Variants in SANBR observed in about 807,000 individuals in gnomAD.
The protein encoded by SANBR is SANT and BTB domain regulator of class switch recombination.
A neutral mutation model predicts 101.8 loss-of-function variants in SANBR; 77 were observed. The observed-to-expected ratio is 0.76, with a 90% CI of 0.63 to 0.91. The LOEUF (loss-of-function observed/expected upper bound fraction) is 0.91, where lower values mean the gene tolerates loss of function less well. SANBR is among the 40% of genes least tolerant of loss of function. SANBR has a pLI of 0.00. For synonymous variants in SANBR, 279 were observed against 274.7 expected (o/e 1.02, Z -0.15); for missense variants, 875 against 853.0 (o/e 1.03, Z -0.32).
Position 61,070,426 on chromosome 2 carries a change from C to T in SANBR, c.76C>T (p.Pro26Ser). ...AATGGTATTGGACATGATCCTTTAT[C>T]CATTAATTGGAATCCCTCAGACTAT... Reference protein sequence around the residue: ...NQMVLDMILYPLIGIPQTINW... With the variant: ...NQMVLDMILYSLIGIPQTINW... The change falls in exon 3 of 22, where the codon CCA becomes TCA. Residue 26 changes from proline (P) to serine (S), a missense_variant. Physicochemically the swap from Pro to Ser is moderately conservative, Grantham distance 74. Transcript: ENST00000402291. 2 of 1,601,538 alleles carry T rather than the reference C, an allele frequency of 1.2e-6. No homozygotes were observed. Among genetic ancestry groups the T allele is most frequent in the Non-Finnish European group, 1.7e-6 (2 of 1,174,784 alleles).
chr2:61,076,901 G>A lies in SANBR; in HGVS notation c.432-19G>A. 1.3e-6 allele frequency: 2 copies of A among 1,537,924 alleles called. No individual in the cohort carries two copies. The highest frequency in any genetic ancestry group is 1.8e-6 in the Non-Finnish European group (2 of 1,116,640). ...CTAAAACTCTAATAATTTCATTTTT[G>A]TGTAACATTTTTATGAAGGCCAAAC... On this transcript the variant is annotated intron_variant, in intron 5 of 21. Transcript: ENST00000402291.
intron 6 of SANBR, among the ~76,000 whole-genome samples, chr2:61,078,435 T>C (rs1452832361): frequency 6.6e-6 from 1 of 152,096 alleles, no homozygotes; most frequent in Non-Finnish European, 1.5e-5. Flanking sequence ...TACTCTTTTT[T>C]TTTTGAGACA....
At chr2:61,068,591 T>A (rs942814089) in intron 1 of SANBR, among the ~76,000 whole-genome samples, 1 of 152,240 alleles carries the variant, frequency 6.6e-6, no homozygotes, top group Non-Finnish European at 1.5e-5. Flanking sequence ...GGTTGCACAC[T>A]GCTAGAAGTG....
rs756182816 is a variant in SANBR, at chr2:61,092,549, G to T, written c.1174G>T (p.Gly392Ter). ...GAGAGATGTATACTGGCGATTGTGGGGAACAATCAATTGGCTGACTTGTTC... is the reference window on the plus strand; with the variant it reads ...GAGAGATGTATACTGGCGATTGTGGTGAACAATCAATTGGCTGACTTGTTC... Reference protein sequence around the residue: ...SWRDVYWRLWGTINWLTCSRC... With the variant: ...SWRDVYWRLW Residue 392 changes from glycine to a stop codon, truncating the protein, a stop_gained, in exon 11 of 22, where the codon GGA (glycine) becomes TGA (stop). Coordinates refer to ENST00000402291, the MANE Select transcript of SANBR (RefSeq NM_001129993.3). LOFTEE classifies it high-confidence loss of function. 6.2e-7 allele frequency: 1 copy of T among 1,602,610 alleles called. No individual in the cohort carries two copies.
intron 7 of SANBR, among the ~76,000 whole-genome samples, chr2:61,081,875 C>T (rs1488580028): frequency 2.0e-5 from 3 of 152,124 alleles, no homozygotes; most frequent in Non-Finnish European, 4.4e-5. Flanking sequence ...TCTCGAACTC[C>T]TAATCTCAAG....
chr2:61,124,517 TAGTG>T (rs779893756), downstream of SANBR, among the ~76,000 whole-genome samples: 53 of 152,034 alleles, frequency 3.5e-4, no homozygotes, highest in Middle Eastern at 6.8e-3. Flanking sequence ...CTGGGCAACA[TAGTG>T]AGACCTCGTC....
chr2:61,095,269 A>T (rs1344621993), intron 11 of SANBR, among the ~76,000 whole-genome samples: 2 of 152,234 alleles, frequency 1.3e-5, no homozygotes, highest in African/African-American at 4.8e-5. Flanking sequence ...AGCAAATTGA[A>T]TATTGATTGA....
chr2:61,124,670 C>T (rs1162352869), downstream of SANBR, among the ~76,000 whole-genome samples: 1 of 150,056 alleles, frequency 6.7e-6, no homozygotes, highest in Non-Finnish European at 1.5e-5. Flanking sequence ...TGTGCCACTG[C>T]ACTCCAGCCT....
chr2:61,103,790 G>T, intron 12 of SANBR, 63 bp from the exon 13 acceptor site: 1 of 1,453,980 alleles, frequency 6.9e-7, no homozygotes, highest in Non-Finnish European at 9.4e-7. Flanking sequence ...AAGAAAAACA[G>T]TGATCTTTAA....
rs764341241 is a variant in SANBR at position 61,122,532 on chromosome 2, G to A, written c.*370G>A. 1.6e-5 allele frequency: 16 copies of A among 1,007,674 alleles called. No homozygotes were observed. Among genetic ancestry groups the A allele is most frequent in the Non-Finnish European group, 1.9e-5 (16 of 844,494 alleles). The allele number at this position is 1,007,674 out of a possible 1,614,324, so 62.4% of individuals were successfully genotyped here. On this transcript the variant is annotated 3_prime_UTR_variant, in exon 22 of 22. Coordinates refer to ENST00000402291, the MANE Select transcript of SANBR (RefSeq NM_001129993.3). Reference sequence around the variant, plus strand: ...AAGTTAGGGGAACACAACTGGTAGTGTTACCATGCATGGCACTGATTGTAG... The same window carrying A: ...AAGTTAGGGGAACACAACTGGTAGTATTACCATGCATGGCACTGATTGTAG...
intron 10 of SANBR, chr2:61,089,594 G>T (rs1320446021): frequency 6.6e-6 from 1 of 152,402 alleles, no homozygotes; most frequent in Non-Finnish European, 1.5e-5. Context: ...AGAATCACTT[G>T]AACCCGGGAG....
chr2:61,122,709 C>T lies in SANBR; in HGVS notation c.*547C>T. On this transcript the variant is annotated 3_prime_UTR_variant, in exon 22 of 22. Transcript: ENST00000402291. The stretch of plus-strand genomic sequence containing the variant: ...AATGAAGTTTCAGGGTAAGGTATTT[C>T]AGTACTGTGTTGGGCAGAAGGGTTA... 1.0e-6 allele frequency: 1 copy of T among 985,720 alleles called. No homozygotes were observed. 61.1% of individuals were successfully genotyped at this position (985,720 alleles called of 1,614,324 possible).
intron 12 of SANBR, among the ~76,000 whole-genome samples, chr2:61,098,286 T>C (rs1217936128): frequency 6.6e-6 from 1 of 151,958 alleles, no homozygotes; most frequent in Non-Finnish European, 1.5e-5. Flanking sequence ...GTATTTTTGT[T>C]AGAGACAGGG....
intron 12 of SANBR, among the ~76,000 whole-genome samples, chr2:61,100,157 T>C (rs1197697072): frequency 2.0e-5 from 3 of 152,202 alleles, no homozygotes; most frequent in Non-Finnish European, 4.4e-5. Flanking sequence ...CCGGCTGGAA[T>C]GCAATGGCAC....
intron 1 of SANBR, among the ~76,000 whole-genome samples, chr2:61,066,679 C>T (rs1681188946): frequency 6.6e-6 from 1 of 152,238 alleles, no homozygotes; most frequent in Non-Finnish European, 1.5e-5. Flanking sequence ...CATCTTTCCA[C>T]TGGCTAAGGG....
At chr2:61,097,563 A>G in intron 11 of SANBR, 137 bp from the exon 12 acceptor site, 1 of 588,868 alleles carries the variant, frequency 1.7e-6, no homozygotes, top group Admixed American at 3.1e-5. Context: ...CCACTAATCT[A>G]CTTTGTGTCT....
At chr2:61,081,429 A>C in intron 6 of SANBR, 23 bp from the exon 7 acceptor site, 1 of 1,567,890 alleles carries the variant, frequency 6.4e-7, no homozygotes, top group Non-Finnish European at 8.6e-7. Flanking sequence ...CAAAAGGGTA[A>C]TCTAATTTTT....
intron 3 of SANBR, 76 bp downstream of exon 3, chr2:61,070,576 G>C: frequency 7.3e-7 from 1 of 1,378,292 alleles, no homozygotes; most frequent in Non-Finnish European, 1.0e-6. Flanking sequence ...CACCAAGAGA[G>C]AGAAAAATAT....
At chr2:61,117,238 T>C (rs1684117159) in intron 17 of SANBR, 119 bp from the exon 18 acceptor site, 1 of 910,932 alleles carries the variant, frequency 1.1e-6, no homozygotes. Flanking sequence ...ATAGCACTTG[T>C]AATGCTCTTG....
Sources: allele counts gnomAD v4.1 joint callset (sites outside exome capture counted in the v4.1 genomes callset), GRCh38; gene constraint gnomAD v4.1.1; transcripts MANE v1.5; gene names NCBI Gene and HGNC (gene_info 2026-07-23, HGNC 2026-07-21).